The following COL4A1 variants were observed in gnomAD, a reference collection of about 807,000 sequenced individuals.
The protein encoded by COL4A1 is collagen alpha-1(IV) chain.
Under a neutral mutation model 216.6 loss-of-function variants are expected in COL4A1, and 40 were observed. The ratio of observed to expected loss-of-function variants is 0.18; its 90% CI spans 0.14 to 0.24. The LOEUF (loss-of-function observed/expected upper bound fraction) is 0.24. Among genes scored for constraint, COL4A1 ranks in the 10% least tolerant of loss-of-function variants. The pLI is 1.00. For synonymous variants in COL4A1, 839 were observed against 810.7 expected (o/e 1.03, Z -0.59); for missense variants, 1,628 against 2,196.8 (o/e 0.74, Z 5.18).
At chr13:110,219,624 C>T (rs1880272195) in intron 2 of COL4A1, among the ~76,000 whole-genome samples, 1 of 142,184 alleles carries the variant, frequency 7.0e-6, no homozygotes, top group Non-Finnish European at 1.5e-5. Flanking sequence ...GGGTATGTCC[C>T]AATAAGCCCA....
chr13:110,258,536 T>A (rs1225950178), intron 1 of COL4A1, among the ~76,000 whole-genome samples: 2 of 151,940 alleles, frequency 1.3e-5, no homozygotes, highest in Admixed American at 6.6e-5. Context: ...TGAGACTTCA[T>A]CTCAAAAAAA....
At chr13:110,186,288 G>A in intron 26 of COL4A1, 97 bp downstream of exon 26, 1 of 1,469,538 alleles carries the variant, frequency 6.8e-7, no homozygotes, top group Non-Finnish European at 9.5e-7. Context: ...TGTGCGCCCT[G>A]GCCTATGCGA....
chr13:110,232,280 T>C (rs1181585599), intron 2 of COL4A1, among the ~76,000 whole-genome samples: 2 of 152,266 alleles, frequency 1.3e-5, no homozygotes, highest in Non-Finnish European at 2.9e-5. Flanking sequence ...CAGAGCCATC[T>C]GGTTTGCTCG....
rs74853415 is a variant in COL4A1 at position 110,279,161 on chromosome 13, C to G, written c.84+27783G>C. Among the ~76,000 whole-genome samples the G allele has an allele frequency of 3.2e-3, 485 of 152,228 alleles. 1 individual carries two copies. Among genetic ancestry groups the G allele is most frequent in the Non-Finnish European group, 5.3e-3 (358 of 68,022 alleles). On this transcript the variant is annotated intron_variant, in intron 1 of 51. Transcript: ENST00000375820. The stretch of plus-strand genomic sequence containing the variant: ...TGCATGCACTTTTGGGGGGCACTTA[C>G]CTAACCAATCTTTATCATATACACT...
At chr13:110,203,690 T>C in intron 17 of COL4A1, 83 bp from the exon 18 acceptor site, 7 of 1,418,532 alleles carry the variant, frequency 4.9e-6, no homozygotes, top group Non-Finnish European at 5.0e-6. Flanking sequence ...TTTCTTCTGG[T>C]AAAATAGAGT....
At chr13:110,256,377 G>A (rs1882571210) in intron 1 of COL4A1, among the ~76,000 whole-genome samples, 1 of 152,206 alleles carries the variant, frequency 6.6e-6, no homozygotes, top group South Asian at 2.1e-4. Context: ...ATACTCGGGA[G>A]GAAGAGGTGA....
chr13:110,306,953 G>T lies in COL4A1; in HGVS notation c.75C>A (p.Ala25=). 2 of 1,473,218 alleles carry T rather than the reference G, an allele frequency of 1.4e-6. No individual in the cohort carries two copies. The highest frequency in any genetic ancestry group is 1.5e-5 in the African/African-American group (1 of 68,456). 91.3% of individuals were successfully genotyped at this position (1,473,218 alleles called of 1,614,324 possible). ...ALLLHEEHSR[A]AAKGGCAGSG... The stretch of plus-strand genomic sequence containing the variant: ...CTGGCCGGGAACTCACCTTCGCAGC[G>T]GCCCGGCTGTGCTCCTCGTGGAGCA... Residue 25 remains alanine, a synonymous_variant, in exon 1 of 52, where the codon GCC becomes GCA. Transcript: ENST00000375820.
At position 110,210,016 on chromosome 13, in the gene COL4A1, T is replaced by C. The variant is rs1276502381; in HGVS notation, c.579A>G (p.Gln193=). 1.2e-6 allele frequency: 2 copies of C among 1,614,178 alleles called. No individual in the cohort carries two copies. Among genetic ancestry groups the C allele is most frequent in the Non-Finnish European group, 1.7e-6 (2 of 1,180,020 alleles). ...TPGPPGLPGL[Q]GPVGPPGFTG... ...TAAATCCTGGAGGCCCAACAGGACCTTGAAGCCCTGGCAGTCCTGGTGGGC... is the reference window on the plus strand; with the variant it reads ...TAAATCCTGGAGGCCCAACAGGACCCTGAAGCCCTGGCAGTCCTGGTGGGC... The change falls in exon 10 of 52, where the codon CAA becomes CAG. Residue 193 remains glutamine (Q), a synonymous_variant. Coordinates refer to ENST00000375820, the MANE Select transcript of COL4A1 (RefSeq NM_001845.6).
intron 19 of COL4A1, 75 bp from the exon 20 acceptor site, chr13:110,200,964 A>G: frequency 6.6e-7 from 1 of 1,526,536 alleles, no homozygotes; most frequent in Non-Finnish European, 9.1e-7. Flanking sequence ...TTCTCTACTG[A>G]AAGCCTTGCT....
At chr13:110,290,033 G>A (rs1453974690) in intron 1 of COL4A1, among the ~76,000 whole-genome samples, 1 of 152,170 alleles carries the variant, frequency 6.6e-6, no homozygotes, top group Admixed American at 6.5e-5. Flanking sequence ...GGATGCTGCC[G>A]GGGGGCACAG....
At position 110,165,482 on chromosome 13, in the gene COL4A1, G is replaced by C. The variant is rs1478514395; in HGVS notation, c.4022-492C>G. ...CATGGCAAGTCTTGGCATGTGGTAA[G>C]AACCACACAAAGTGCGAGTTCCCCT... is the stretch of plus-strand genomic sequence containing the variant. On this transcript the variant is annotated intron_variant, in intron 45 of 51. Transcript: ENST00000375820. 2.0e-5 allele frequency among the ~76,000 whole-genome samples: 3 copies of C among 152,042 alleles called. No homozygotes were observed. The East Asian group carries it at 5.8e-4, about 30-fold the overall frequency.
chr13:110,222,344 G>A (rs897375452), intron 2 of COL4A1, among the ~76,000 whole-genome samples: 1 of 152,180 alleles, frequency 6.6e-6, no homozygotes, highest in Non-Finnish European at 1.5e-5. Context: ...AGGCCCGGGC[G>A]GAGGAACCAA....
At chr13:110,155,640 G>A (rs551005883) in intron 49 of COL4A1, among the ~76,000 whole-genome samples, 1 of 152,352 alleles carries the variant, frequency 6.6e-6, no homozygotes, top group South Asian at 2.1e-4. Context: ...GCTGGGGGCG[G>A]TGGCTCATGT....
At chr13:110,206,329 T>C (rs1879514155) in intron 15 of COL4A1, among the ~76,000 whole-genome samples, 1 of 152,252 alleles carries the variant, frequency 6.6e-6, no homozygotes. Flanking sequence ...GTGCAAACAC[T>C]GTCTGGTGTT....
chr13:110,304,806 G>C (rs1884623177), intron 1 of COL4A1, among the ~76,000 whole-genome samples: 1 of 152,236 alleles, frequency 6.6e-6, no homozygotes. Context: ...GGTGATGTCT[G>C]GATGTACAAA....
chr13:110,160,923 G>A, intron 49 of COL4A1: 1 of 466,866 alleles, frequency 2.1e-6, no homozygotes, highest in Non-Finnish European at 3.9e-6. Context: ...TGCCCAGGCT[G>A]GTCTTGAACT....
chr13:110,203,451 C>T (rs867181601), intron 18 of COL4A1, 115 bp downstream of exon 18: 39 of 1,142,474 alleles, frequency 3.4e-5, no homozygotes, highest in African/African-American at 1.2e-4. Flanking sequence ...CCTCTCCCAG[C>T]GCTCTCACAG....
chr13:110,154,342 T>C (rs1192203), intron 50 of COL4A1, among the ~76,000 whole-genome samples: 143,734 of 152,286 alleles, frequency 0.94, 67,953 homozygotes, highest in Middle Eastern at 0.98. Flanking sequence ...TCTGTTTCAG[T>C]TGGCTTTTGT....
intron 49 of COL4A1, 79 bp from the exon 50 acceptor site, chr13:110,155,476 C>T: frequency 2.3e-6 from 2 of 853,684 alleles, no homozygotes; most frequent in South Asian, 1.4e-5. Flanking sequence ...CCGTTACCTA[C>T]ACTCAACATC....
Sources: gnomAD v4.1 joint callset for allele counts (sites outside exome capture counted in the v4.1 genomes callset) on GRCh38, gnomAD v4.1.1 for gene constraint, MANE v1.5 for transcripts, NCBI Gene and HGNC (gene_info 2026-07-23, HGNC 2026-07-21) for gene names.